Variants in CAMSAP2 observed in about 807,000 individuals in gnomAD.
CAMSAP2 encodes calmodulin regulated spectrin associated protein family member 2.
CAMSAP2 carries 26 observed loss-of-function variants against 146.1 expected under a neutral mutation model. That is an observed-to-expected ratio of 0.18 (90% CI 0.13 to 0.25). CAMSAP2 has a LOEUF of 0.25. Ranked by LOEUF, CAMSAP2 falls within the 10% of genes least tolerant of loss-of-function variation. The pLI, the probability that CAMSAP2 is intolerant of heterozygous loss-of-function variation, is 1.00. For synonymous variants in CAMSAP2, 499 were observed against 596.6 expected (o/e 0.84, Z 2.38); for missense variants, 1,381 against 1,759.3 (o/e 0.78, Z 3.85).
chr1:200,781,660 G>T (rs1381942986), intron 2 of CAMSAP2, among the ~76,000 whole-genome samples: 1 of 151,982 alleles, frequency 6.6e-6, no homozygotes, highest in African/African-American at 2.4e-5. Flanking sequence ...TCCTACCTCA[G>T]CCTCCCAAGT....
At chr1:200,818,228 CAG>C (rs1455233330) in intron 4 of CAMSAP2, among the ~76,000 whole-genome samples, 1 of 151,930 alleles carries the variant, frequency 6.6e-6, no homozygotes. Flanking sequence ...TATATGATGA[CAG>C]AGGGCCCAAG....
chr1:200,744,261 T>C (rs919498407), intron 1 of CAMSAP2, among the ~76,000 whole-genome samples: 1 of 152,158 alleles, frequency 6.6e-6, no homozygotes, highest in Non-Finnish European at 1.5e-5. Flanking sequence ...AGAAAAAATG[T>C]TGCAGAGATT....
intron 6 of CAMSAP2, among the ~76,000 whole-genome samples, chr1:200,841,576 G>A (rs1388215815): frequency 6.6e-6 from 1 of 152,138 alleles, no homozygotes; most frequent in African/African-American, 2.4e-5. Context: ...ACTACATCCA[G>A]TTACGTTTTG....
chr1:200,848,587 T>A lies in CAMSAP2; in HGVS notation c.1818T>A (p.Thr606=). The change falls in exon 11 of 17, where the codon ACT becomes ACA. Residue 606 remains threonine, a synonymous_variant. Coordinates refer to ENST00000358823, the MANE Select transcript of CAMSAP2 (RefSeq NM_203459.4). ...CCTTGAGTCCCATAACTGACAATACTGAAGTAGACACTGGAATTCACGTTC... is the reference window on the plus strand; with the variant it reads ...CCTTGAGTCCCATAACTGACAATACAGAAGTAGACACTGGAATTCACGTTC... ...KGALSPITDN[T]EVDTGIHVPS... 1 of 1,614,074 alleles carries A rather than the reference T, an allele frequency of 6.2e-7. No individual in the cohort carries two copies.
chr1:200,789,319 T>C (rs1665683820), intron 2 of CAMSAP2, among the ~76,000 whole-genome samples: 1 of 152,212 alleles, frequency 6.6e-6, no homozygotes. Context: ...TTGTTGTACA[T>C]TTAGGTCTGT....
chr1:200,817,030 A>G (rs1234403782), intron 4 of CAMSAP2, among the ~76,000 whole-genome samples: 5 of 140,662 alleles, frequency 3.6e-5, no homozygotes, highest in Non-Finnish European at 8.0e-5. Flanking sequence ...ATATATGTGT[A>G]TACCCACATA....
At chr1:200,772,236 G>A (rs1467774674) in intron 2 of CAMSAP2, among the ~76,000 whole-genome samples, 2 of 150,238 alleles carry the variant, frequency 1.3e-5, no homozygotes, top group Admixed American at 6.6e-5. Flanking sequence ...GATTCTATTT[G>A]AAAAAAAAAT....
At chr1:200,746,327 ATG>A (rs1272985435) in intron 1 of CAMSAP2, among the ~76,000 whole-genome samples, 1 of 152,310 alleles carries the variant, frequency 6.6e-6, no homozygotes, top group Admixed American at 6.5e-5. Context: ...AAGTGGATGA[ATG>A]TAAAGGATAA....
intron 4 of CAMSAP2, among the ~76,000 whole-genome samples, chr1:200,818,385 G>T (rs201750759): frequency 6.6e-6 from 1 of 152,226 alleles, no homozygotes; most frequent in East Asian, 1.9e-4. Context: ...GCAGTTGCAC[G>T]TATTAACTGT....
In CAMSAP2 at chr1:200,848,039, G is replaced by T. The variant is rs1381864217; in HGVS notation, c.1270G>T (p.Val424Leu). The T allele has an allele frequency of 6.5e-7, 1 of 1,534,022 alleles. No homozygotes were observed. The highest frequency in any genetic ancestry group is 8.7e-7 in the Non-Finnish European group (1 of 1,143,846). ...GTWPKEKRSS[V>L]HGVSFDISFD... ...TCTTTAACTTTTTTTTAGATCATCA[G>T]TGCATGGCGTATCATTTGATATTTC... The change falls in exon 11 of 17, where the codon GTG (valine) becomes TTG (leucine). Residue 424 changes from valine (V) to leucine (L), a missense_variant. This residue lies in a region of CAMSAP2 where 447 missense variants were observed against 462.2 expected (regional missense o/e 0.97). Coordinates refer to ENST00000358823, the MANE Select transcript of CAMSAP2 (RefSeq NM_203459.4).
intron 2 of CAMSAP2, among the ~76,000 whole-genome samples, chr1:200,806,282 AAAG>A (rs1666167511): frequency 6.6e-6 from 1 of 152,230 alleles, no homozygotes; most frequent in South Asian, 2.1e-4. Context: ...GTAGCTTTCC[AAAG>A]AAGAAATGCA....
chr1:200,816,604 AAATAT>A (rs1383102753), intron 4 of CAMSAP2, among the ~76,000 whole-genome samples: 10 of 112,634 alleles, frequency 8.9e-5, no homozygotes, highest in African/African-American at 1.9e-4. Flanking sequence ...CAAAAAAAAA[AAATAT>A]ATATATATAT....
intron 12 of CAMSAP2, among the ~76,000 whole-genome samples, chr1:200,852,904 A>G (rs1667657275): frequency 6.6e-6 from 1 of 152,080 alleles, no homozygotes; most frequent in South Asian, 2.1e-4. Flanking sequence ...TTATATTTTT[A>G]TCTTAAGTTT....
At chr1:200,787,473 A>T (rs1197751525) in intron 2 of CAMSAP2, among the ~76,000 whole-genome samples, 1 of 152,210 alleles carries the variant, frequency 6.6e-6, no homozygotes, top group Non-Finnish European at 1.5e-5. Context: ...AAGCCCGGAG[A>T]TAGGACTGAA....
intron 2 of CAMSAP2, among the ~76,000 whole-genome samples, chr1:200,798,429 A>G (rs1268766411): frequency 1.6e-5 from 2 of 128,352 alleles, no homozygotes; most frequent in Admixed American, 8.4e-5. Flanking sequence ...CTTTGAAGCA[A>G]TTGTGAATGG....
At chr1:200,822,283 G>A (rs1335315519) in intron 4 of CAMSAP2, among the ~76,000 whole-genome samples, 2 of 151,798 alleles carry the variant, frequency 1.3e-5, no homozygotes, top group Admixed American at 6.6e-5. Context: ...TTTCCATAAC[G>A]ACAGTACAGG....
intron 6 of CAMSAP2, among the ~76,000 whole-genome samples, chr1:200,834,047 T>A (rs981045634): frequency 6.6e-6 from 1 of 152,202 alleles, no homozygotes; most frequent in Non-Finnish European, 1.5e-5. Context: ...TATATTTTAT[T>A]TACATTGATG....
At chr1:200,761,400 G>A (rs1360208212) in intron 2 of CAMSAP2, among the ~76,000 whole-genome samples, 2 of 152,192 alleles carry the variant, frequency 1.3e-5, no homozygotes, top group Non-Finnish European at 2.9e-5. Context: ...GATGGAAAAT[G>A]CATCCTTGAC....
chr1:200,786,696 G>A (rs10920032), intron 2 of CAMSAP2, among the ~76,000 whole-genome samples: 44,158 of 152,068 alleles, frequency 0.29, 7,281 homozygotes, highest in Non-Finnish European at 0.39. Flanking sequence ...CAAGATTTTC[G>A]ATGTAGATGA....
Sources: gnomAD v4.1 joint callset for allele counts (sites outside exome capture counted in the v4.1 genomes callset) on GRCh38, gnomAD v4.1.1 for gene constraint, gnomAD v4.1.1 regional missense constraint, MANE v1.5 for transcripts, NCBI Gene and HGNC (gene_info 2026-07-23, HGNC 2026-07-21) for gene names.